The following AHDC1 variants were observed in gnomAD, a reference collection of about 807,000 sequenced individuals.
The protein encoded by AHDC1 is AT-hook DNA binding motif containing 1, also known as transcription factor Gibbin.
A neutral mutation model predicts 87.9 loss-of-function variants in AHDC1; 7 were observed. The observed-to-expected ratio is 0.08, with a 90% CI of 0.05 to 0.15. The LOEUF is 0.15. AHDC1 is among the 10% of genes least tolerant of loss of function. The probability of loss-of-function intolerance (pLI) is 1.00; values close to 1 mark genes in which losing one functional copy is unlikely to be tolerated. For synonymous variants in AHDC1, 1,051 were observed against 1,006.8 expected, an observed-to-expected ratio of 1.04 and a Z score of -0.83; for missense variants, 1,841 against 2,253.2, an observed-to-expected ratio of 0.82 and a Z score of 3.70.
At position 27,534,250 on chromosome 1, in the gene AHDC1, T is replaced by TTTTTTTTTTTG. The variant is rs200464450; in HGVS notation, c.*699_*709dup. 2.2e-5 allele frequency: 3 copies of TTTTTTTTTTTG among 137,334 alleles called. No individual in the cohort carries two copies. Among genetic ancestry groups the TTTTTTTTTTTG allele is most frequent in the South Asian group, 2.2e-4 (1 of 4,552 alleles). 8.5% of individuals were successfully genotyped at this position (137,334 alleles called of 1,614,324 possible). ...CCCTTTCACAAGACACAAGGTTGGT[T>TTTTTTTTTTTG]TTTTTTTTTTGTTTTTTTTTTGTTT... On this transcript the variant is annotated 3_prime_UTR_variant, in exon 9 of 9. Coordinates refer to ENST00000673934, the MANE Select transcript of AHDC1 (RefSeq NM_001371928.1).
Position 27,549,152 on chromosome 1 carries a change from T to C in AHDC1, c.2964A>G (p.Thr988=). 6.4e-7 allele frequency: 1 copy of C among 1,563,610 alleles called. No homozygotes were observed. Among genetic ancestry groups the C allele is most frequent in the Non-Finnish European group, 8.7e-7 (1 of 1,152,946 alleles). Residue 988 remains threonine, a synonymous_variant, in exon 8 of 9, where the codon ACA becomes ACG. Transcript: ENST00000673934. ...CCTTGCTGTTAGCGCAGTCCTGGCC[T>C]GTAAAGGGCTTAGTTGGGGCGAATA... ...QSVFAPTKPF[T]GQDCANSKDC... is the part of the protein sequence containing the mutation.
intron 3 of AHDC1, among the ~76,000 whole-genome samples, chr1:27,583,372 T>C (rs1439557701): frequency 6.6e-6 from 1 of 152,198 alleles, no homozygotes; most frequent in Non-Finnish European, 1.5e-5. Context: ...CCCCCATCTC[T>C]TTCAACTACC....
rs2019584793 is a variant in AHDC1 at position 27,551,833 on chromosome 1, C to A, written c.283G>T (p.Ala95Ser). The change falls in exon 8 of 9, where the codon GCC becomes TCC. Residue 95 changes from alanine (A) to serine (S), a missense_variant. Physicochemically the swap from Ala to Ser is moderately conservative, Grantham distance 99. Coordinates refer to ENST00000673934, the MANE Select transcript of AHDC1 (RefSeq NM_001371928.1). ...TCTCCGACCGGTGTGGGGCAGCGGG[C>A]CTGTGAGACAGGACGGGCTGCCCGT... The part of the protein sequence containing the change: ...PPRAARPVSQ[A>S]RCPTPVGDGS... 1 of 1,611,678 alleles carries A rather than the reference C, an allele frequency of 6.2e-7. No homozygotes were observed. The highest frequency in any genetic ancestry group is 1.3e-5 in the African/African-American group (1 of 74,920).
intron 3 of AHDC1, among the ~76,000 whole-genome samples, chr1:27,564,658 G>C (rs1014787313): frequency 6.6e-6 from 1 of 152,186 alleles, no homozygotes; most frequent in Non-Finnish European, 1.5e-5. Context: ...AGTGTGGAGG[G>C]GGACAGGGGA....
intron 3 of AHDC1, among the ~76,000 whole-genome samples, chr1:27,559,702 C>T (rs772509615): frequency 9.2e-5 from 14 of 152,206 alleles, no homozygotes; most frequent in Non-Finnish European, 1.6e-4. Context: ...ATGCAGCTGG[C>T]GTTTACCCAT....
At chr1:27,596,224 C>A (rs906519007) in intron 3 of AHDC1, among the ~76,000 whole-genome samples, 2 of 151,994 alleles carry the variant, frequency 1.3e-5, no homozygotes, top group South Asian at 4.1e-4. Flanking sequence ...GTGCCCAGGC[C>A]CAAGGAGCAG....
At chr1:27,569,170 C>T (rs1343509084) in intron 3 of AHDC1, among the ~76,000 whole-genome samples, 1 of 152,012 alleles carries the variant, frequency 6.6e-6, no homozygotes, top group African/African-American at 2.4e-5. Flanking sequence ...CTGTCTTCTC[C>T]CTCATATGGT....
chr1:27,584,517 T>C (rs1440249473), intron 3 of AHDC1, among the ~76,000 whole-genome samples: 1 of 152,170 alleles, frequency 6.6e-6, no homozygotes, highest in Non-Finnish European at 1.5e-5. Context: ...TTTGCAATGT[T>C]TTTCTCTTAT....
chr1:27,548,986 C>T lies in AHDC1; in HGVS notation c.3130G>A (p.Ala1044Thr), dbSNP rs2019354680. The stretch of plus-strand genomic sequence containing the variant: ...GTGGGGGCTGAACCAGAGAAGGGGG[C>T]CCCCTCAGAGCTGCTGAAGAAGGAG... ...KASFFSSSEG[A>T]PFSGSAPTPL... Residue 1044 changes from alanine to threonine, a missense_variant, in exon 8 of 9, where the codon GCC becomes ACC. By Grantham distance (58) the Ala-to-Thr change is moderately conservative. Around this residue, in one of 13 missense-constraint regions of AHDC1, gnomAD observed 378 missense variants for 399.0 expected, o/e 0.95. Transcript: ENST00000673934. 6.4e-7 allele frequency: 1 copy of T among 1,564,852 alleles called. No homozygotes were observed.
Position 27,550,508 on chromosome 1 carries a change from G to T in AHDC1, c.1608C>A (p.Pro536=). 1 of 1,608,754 alleles carries T rather than the reference G, an allele frequency of 6.2e-7. No homozygotes were observed. Among genetic ancestry groups the T allele is most frequent in the South Asian group, 1.1e-5 (1 of 90,938 alleles). ...NGRNVVVVFP[P]GEMPIILKRK... ...GTTTGAGAATAATGGGCATCTCACC[G>T]GGTGGGAAGACCACTACCACGTTCC... Residue 536 remains proline (P), a synonymous_variant, in exon 8 of 9, where the codon CCC becomes CCA. Transcript: ENST00000673934.
At position 27,550,252 on chromosome 1, in the gene AHDC1, G is replaced by C; in HGVS notation, c.1864C>G (p.Leu622Val). 6.2e-7 allele frequency: 1 copy of C among 1,613,902 alleles called. No individual in the cohort carries two copies. ...YSDVLAKLAFLNRQSQCAGRC... is the reference protein window; with the variant it reads ...YSDVLAKLAFVNRQSQCAGRC... ...CCAGCGCACTGGCTCTGGCGGTTCAGGAAGGCCAGCTTGGCCAGGACGTCT... is the reference window on the plus strand; with the variant it reads ...CCAGCGCACTGGCTCTGGCGGTTCACGAAGGCCAGCTTGGCCAGGACGTCT... Residue 622 changes from leucine (L) to valine (V), a missense_variant, in exon 8 of 9, where the codon CTG becomes GTG. Physicochemically the swap from Leu to Val is conservative, Grantham distance 32. Coordinates refer to ENST00000673934, the MANE Select transcript of AHDC1 (RefSeq NM_001371928.1).
At chr1:27,568,641 G>A (rs2020427769) in intron 3 of AHDC1, among the ~76,000 whole-genome samples, 1 of 152,018 alleles carries the variant, frequency 6.6e-6, no homozygotes, top group Admixed American at 6.5e-5. Flanking sequence ...CTGGAGTGAT[G>A]TCGCTAGGGG....
chr1:27,580,020 C>T (rs891742884), intron 3 of AHDC1, among the ~76,000 whole-genome samples: 7 of 152,124 alleles, frequency 4.6e-5, no homozygotes, highest in Non-Finnish European at 5.9e-5. Context: ...ACTCTGATCT[C>T]GGCAGATGGG....
intron 3 of AHDC1, among the ~76,000 whole-genome samples, chr1:27,583,300 G>A (rs1050929136): frequency 3.3e-5 from 5 of 152,110 alleles, no homozygotes; most frequent in Admixed American, 1.3e-4. Context: ...GCCCTAAGCC[G>A]CGTTCATTCT....
chr1:27,572,983 T>G (rs1444090224), intron 3 of AHDC1, among the ~76,000 whole-genome samples: 1 of 152,250 alleles, frequency 6.6e-6, no homozygotes, highest in African/African-American at 2.4e-5. Flanking sequence ...AAGCTCTTAT[T>G]CCTATGCACA....
At chr1:27,588,615 G>GTT (rs1379734120) in intron 3 of AHDC1, among the ~76,000 whole-genome samples, 1 of 152,196 alleles carries the variant, frequency 6.6e-6, no homozygotes, top group Non-Finnish European at 1.5e-5. Context: ...CAGAGAGAGT[G>GTT]TTTATGAGAG....
Position 27,552,322 on chromosome 1 carries a change from A to C in AHDC1, c.-74-133T>G, listed in dbSNP as rs78973042. ...CTTACCAAGCTCCCCTCCCCACCCC[A>C]AGCCCCATCCCCTTGCTGACTCCCA... On this transcript the variant is annotated intron_variant, in intron 7 of 8. Coordinates refer to ENST00000673934, the MANE Select transcript of AHDC1 (RefSeq NM_001371928.1). 12,140 of 803,226 alleles carry C rather than the reference A, an allele frequency of 0.015. 95 individuals carry two copies. The highest frequency in any genetic ancestry group is 0.026 in the African/African-American group (1,325 of 50,226). The allele number at this position is 803,226 out of a possible 1,614,324, so 49.8% of individuals were successfully genotyped here.
intron 8 of AHDC1, among the ~76,000 whole-genome samples, chr1:27,544,009 C>T (rs2019053948): frequency 6.6e-6 from 1 of 151,774 alleles, no homozygotes; most frequent in Admixed American, 6.6e-5. Flanking sequence ...GATGGGGAAT[C>T]AGGCGTGGGG....
At position 27,548,841 on chromosome 1, in the gene AHDC1, A is replaced by AAGG. The variant is rs530256606; in HGVS notation, c.3272_3274dup (p.Ser1091dup). ...CCGACAGTTCTCGGGCGAGGGCTGG[A>AAGG]AGGAGGAGGAGGAGGAGGAGGCGGC... On this transcript the variant is annotated inframe_insertion, in exon 8 of 9. Coordinates refer to ENST00000673934, the MANE Select transcript of AHDC1 (RefSeq NM_001371928.1). 7.2e-5 allele frequency: 116 copies of AAGG among 1,611,742 alleles called. No individual in the cohort carries two copies. The highest frequency in any genetic ancestry group is 6.5e-4 in the East Asian group (29 of 44,854).
Sources: gnomAD v4.1 joint callset for allele counts (sites outside exome capture counted in the v4.1 genomes callset) on GRCh38, gnomAD v4.1.1 for gene constraint, gnomAD v4.1.1 regional missense constraint, MANE v1.5 for transcripts, NCBI Gene and HGNC (gene_info 2026-07-23, HGNC 2026-07-21) for gene names.